Variants in RMND1 observed in about 807,000 individuals in gnomAD.
RMND1 encodes required for meiotic nuclear division protein 1 homolog.
Under a neutral mutation model 54.0 loss-of-function variants are expected in RMND1, and 41 were observed. The ratio of observed to expected loss-of-function variants is 0.76; its 90% CI spans 0.59 to 0.98. The LOEUF is 0.98. RMND1 is among the 50% of genes least tolerant of loss of function. RMND1 has a pLI of 0.00. For missense variants in RMND1, 457 were observed against 532.0 expected (o/e 0.86, Z 1.39); for synonymous variants, 183 against 181.7 (o/e 1.01, Z -0.06).
intron 3 of RMND1, among the ~76,000 whole-genome samples, chr6:151,436,036 C>T (rs762190218): frequency 1.3e-5 from 2 of 150,292 alleles, no homozygotes; most frequent in Non-Finnish European, 1.5e-5. Flanking sequence ...ACCTGGGAGG[C>T]GGAAGTTGTA....
At chr6:151,449,374 A>G (rs1388564141) in intron 1 of RMND1, among the ~76,000 whole-genome samples, 2 of 151,522 alleles carry the variant, frequency 1.3e-5, no homozygotes, top group Admixed American at 1.3e-4. Context: ...GTAACGAAAA[A>G]AAAAAAAAAA....
intron 10 of RMND1, among the ~76,000 whole-genome samples, chr6:151,407,994 T>G (rs1779687448): frequency 1.3e-5 from 2 of 151,916 alleles, no homozygotes; most frequent in African/African-American, 2.4e-5. Context: ...GCATGCAGAT[T>G]AAGGGAGCAA....
chr6:151,445,837 G>A lies in RMND1; in HGVS notation c.-14-12C>T. On this transcript the variant is annotated splice_polypyrimidine_tract_variant and intron_variant, in intron 1 of 11. Coordinates refer to ENST00000444024, the MANE Select transcript of RMND1 (RefSeq NM_017909.4). ...TACCACATCCCAAGCTAAAAGAAAA[G>A]GAATTCAAAGTTCAAGTTTTTAAAT... 3 of 1,532,794 alleles carry A rather than the reference G, an allele frequency of 2.0e-6. No homozygotes were observed. Among genetic ancestry groups the A allele is most frequent in the South Asian group, 1.2e-5 (1 of 81,326 alleles). 94.9% of individuals were successfully genotyped at this position (1,532,794 alleles called of 1,614,324 possible).
At chr6:151,450,455 G>GGGTCAGCCCCCCGCCT (rs71014587) in intron 1 of RMND1, among the ~76,000 whole-genome samples, 3 of 89,374 alleles carry the variant, frequency 3.4e-5, no homozygotes, top group Admixed American at 1.1e-4. Flanking sequence ...GGAGGTGGGG[G>GGGTCAGCCCCCCGCCT]GGCCAGCCCC....
At chr6:151,426,436 G>A (rs1780299092) in intron 6 of RMND1, among the ~76,000 whole-genome samples, 1 of 152,036 alleles carries the variant, frequency 6.6e-6, no homozygotes, top group African/African-American at 2.4e-5. Flanking sequence ...AGTGAAACTG[G>A]TACACCAGGT....
chr6:151,445,635 A>G lies in RMND1; in HGVS notation c.177T>C (p.Ala59=). 2 of 1,614,176 alleles carry G rather than the reference A, an allele frequency of 1.2e-6. No homozygotes were observed. The highest frequency in any genetic ancestry group is 1.7e-6 in the Non-Finnish European group (2 of 1,180,026). The change falls in exon 2 of 12, where the codon GCT becomes GCC. Residue 59 remains alanine (A), a synonymous_variant. Transcript: ENST00000444024. ...GGATCTGAGACTTATTCAAACCACT[A>G]GCTGTTTTATCAGGAAGGAACAAAT... The part of the protein sequence containing the change: ...SLDLFLPDKT[A]SGLNKSQILE...
intron 7 of RMND1, among the ~76,000 whole-genome samples, chr6:151,422,995 C>T (rs1780199171): frequency 6.6e-6 from 1 of 152,170 alleles, no homozygotes; most frequent in Non-Finnish European, 1.5e-5. Flanking sequence ...ATCTCCGAAG[C>T]CCCTCAGAGT....
rs1239860988 is a variant in RMND1, at chr6:151,421,340, G to A, written c.1003-19C>T. ...TTAAAGCCTAGTTGAGAGGGAATCG[G>A]AAAAACCAAAAAACCATGTATCTCT... is the stretch of plus-strand genomic sequence containing the variant. On this transcript the variant is annotated intron_variant, in intron 8 of 11. Transcript: ENST00000444024. 2 of 1,578,662 alleles carry A rather than the reference G, an allele frequency of 1.3e-6. No homozygotes were observed. The highest frequency in any genetic ancestry group is 3.6e-5 in the Admixed American group (2 of 55,128).
intron 6 of RMND1, among the ~76,000 whole-genome samples, chr6:151,424,042 A>G (rs1031904936): frequency 2.0e-5 from 3 of 151,890 alleles, no homozygotes; most frequent in African/African-American, 4.8e-5. Context: ...ATAGAGATAG[A>G]GTTTCACCAT....
chr6:151,439,262 T>C (rs1307611485), intron 2 of RMND1, among the ~76,000 whole-genome samples: 3 of 152,244 alleles, frequency 2.0e-5, no homozygotes, highest in Non-Finnish European at 4.4e-5. Context: ...ATTGATGGAA[T>C]AGTTCCATTT....
Position 151,429,162 on chromosome 6 carries a change from C to T in RMND1, c.729+976G>A, listed in dbSNP as rs1279546475. ...TGAAGACAAGAGTATGCCTCTGTCT[C>T]CCAGGCTGGAGTGCAATGGTCTGAC... On this transcript the variant is annotated intron_variant, in intron 5 of 11. Coordinates refer to ENST00000444024, the MANE Select transcript of RMND1 (RefSeq NM_017909.4). 2.0e-5 allele frequency among the ~76,000 whole-genome samples: 3 copies of T among 150,632 alleles called. No individual in the cohort carries two copies. In the East Asian group the frequency reaches 5.8e-4, roughly 29 times the overall value.
At chr6:151,406,698 T>C (rs769945206) in intron 10 of RMND1, among the ~76,000 whole-genome samples, 8 of 152,208 alleles carry the variant, frequency 5.3e-5, no homozygotes, top group African/African-American at 1.7e-4. Flanking sequence ...ATATATCACT[T>C]GCTACTGGAA....
chr6:151,414,621 G>T (rs1025126743), intron 10 of RMND1, among the ~76,000 whole-genome samples: 5 of 152,078 alleles, frequency 3.3e-5, no homozygotes, highest in Admixed American at 3.3e-4. Context: ...AAAAAACATG[G>T]AAATTTTAGA....
At chr6:151,444,632 C>T (rs1321086980) in intron 2 of RMND1, 1 of 128,216 alleles carries the variant, frequency 7.8e-6, no homozygotes, top group African/African-American at 2.7e-5. Context: ...TGATGACTAT[C>T]GGCATTAAAG....
intron 10 of RMND1, among the ~76,000 whole-genome samples, chr6:151,415,722 G>A (rs1008920940): frequency 2.0e-5 from 3 of 151,258 alleles, no homozygotes; most frequent in East Asian, 2.0e-4. Context: ...GAACCCGGGA[G>A]GCAGAGCTTG....
chr6:151,410,953 T>TA (rs1779813862), intron 10 of RMND1, among the ~76,000 whole-genome samples: 1 of 152,152 alleles, frequency 6.6e-6, no homozygotes, highest in Non-Finnish European at 1.5e-5. Context: ...TAGGAGACTT[T>TA]ATCTTATTTA....
chr6:151,432,680 A>T (rs1379854615), intron 4 of RMND1, among the ~76,000 whole-genome samples: 1 of 152,146 alleles, frequency 6.6e-6, no homozygotes, highest in East Asian at 1.9e-4. Context: ...CCTTTAGATA[A>T]AAGGAATAAG....
At chr6:151,425,797 G>A (rs1215970157) in intron 6 of RMND1, among the ~76,000 whole-genome samples, 1 of 152,192 alleles carries the variant, frequency 6.6e-6, no homozygotes, top group Non-Finnish European at 1.5e-5. Flanking sequence ...AGGATTAAAT[G>A]AAATAATACA....
In RMND1 at chr6:151,405,214, G is replaced by A; in HGVS notation, c.*21C>T. On this transcript the variant is annotated 3_prime_UTR_variant, in exon 12 of 12. Coordinates refer to ENST00000444024, the MANE Select transcript of RMND1 (RefSeq NM_017909.4). ...GTAGAACTTGAATATCTCTTGCAGT[G>A]ACACTTTGGTTATCACTTGATCAGA... 6.2e-7 allele frequency: 1 copy of A among 1,604,292 alleles called. No homozygotes were observed. The highest frequency in any genetic ancestry group is 1.3e-5 in the African/African-American group (1 of 74,744).
Sources: gnomAD v4.1 joint callset for allele counts (sites outside exome capture counted in the v4.1 genomes callset) on GRCh38, gnomAD v4.1.1 for gene constraint, MANE v1.5 for transcripts, NCBI Gene and HGNC (gene_info 2026-07-23, HGNC 2026-07-21) for gene names.